IQUB: variants seen among roughly 807,000 people sequenced by gnomAD.
The protein encoded by IQUB is IQ motif and ubiquitin-like domain-containing protein.
Under a neutral mutation model 86.4 loss-of-function variants are expected in IQUB, and 86 were observed. The ratio of observed to expected loss-of-function variants is 1.00; its 90% CI spans 0.84 to 1.19. IQUB has a LOEUF of 1.19. Ranked by LOEUF, IQUB falls within the 50% of genes most tolerant of loss-of-function variation. The pLI is 0.00. For missense variants in IQUB, 946 were observed against 916.9 expected, an observed-to-expected ratio of 1.03 and a Z score of -0.41; for synonymous variants, 289 against 304.5, an observed-to-expected ratio of 0.95 and a Z score of 0.53.
chr7:123,522,661 C>G (rs1796960317), intron 1 of IQUB, among the ~76,000 whole-genome samples: 1 of 151,970 alleles, frequency 6.6e-6, no homozygotes, highest in South Asian at 2.1e-4. Flanking sequence ...ATAATGACTC[C>G]TAGGTATTAC....
intron 12 of IQUB, among the ~76,000 whole-genome samples, chr7:123,453,286 T>TATATATA (rs1300312483): frequency 1.3e-4 from 15 of 115,462 alleles, no homozygotes; most frequent in East Asian, 1.1e-3. Context: ...ATATATATAT[T>TATATATA]ATTAATGTTA....
chr7:123,475,264 C>T (rs2117048892), intron 8 of IQUB, among the ~76,000 whole-genome samples: 1 of 152,068 alleles, frequency 6.6e-6, no homozygotes, highest in African/African-American at 2.4e-5. Context: ...GTCTCAAATT[C>T]CACCCCAACA....
At chr7:123,490,958 C>A (rs1159037860) in intron 7 of IQUB, among the ~76,000 whole-genome samples, 1 of 146,946 alleles carries the variant, frequency 6.8e-6, no homozygotes, top group Non-Finnish European at 1.5e-5. Flanking sequence ...GAGCAAAACA[C>A]CATCTTGGAA....
chr7:123,529,310 T>C (rs1283561730), intron 1 of IQUB, among the ~76,000 whole-genome samples: 1 of 152,010 alleles, frequency 6.6e-6, no homozygotes, highest in Non-Finnish European at 1.5e-5. Flanking sequence ...ATTTTTAAAC[T>C]TTAATACTAT....
chr7:123,502,794 T>C (rs1261586810), intron 5 of IQUB, 42 bp from the exon 6 acceptor site: 2 of 1,470,930 alleles, frequency 1.4e-6, no homozygotes, highest in African/African-American at 1.4e-5. Flanking sequence ...ATCCCCTATA[T>C]ATATACATAA....
chr7:123,520,497 T>C (rs1796853101), intron 1 of IQUB, among the ~76,000 whole-genome samples: 1 of 152,158 alleles, frequency 6.6e-6, no homozygotes, highest in Non-Finnish European at 1.5e-5. Flanking sequence ...AATGCCTCTC[T>C]GGTTGAAATG....
At chr7:123,505,182 C>G (rs1266522918) in intron 3 of IQUB, among the ~76,000 whole-genome samples, 1 of 152,166 alleles carries the variant, frequency 6.6e-6, no homozygotes, top group Non-Finnish European at 1.5e-5. Flanking sequence ...GAAGCTCTAC[C>G]CCTGTGGCTC....
At chr7:123,527,981 G>C (rs1405729846) in intron 1 of IQUB, among the ~76,000 whole-genome samples, 1 of 152,346 alleles carries the variant, frequency 6.6e-6, no homozygotes, top group Non-Finnish European at 1.5e-5. Flanking sequence ...CGTGGGCGTA[G>C]GACCCTCCGA....
At chr7:123,493,355 C>T (rs1008200144) in intron 7 of IQUB, among the ~76,000 whole-genome samples, 1 of 152,130 alleles carries the variant, frequency 6.6e-6, no homozygotes, top group Non-Finnish European at 1.5e-5. Context: ...CCTAGCCCTT[C>T]TTATATGTTT....
intron 7 of IQUB, among the ~76,000 whole-genome samples, chr7:123,487,739 G>A (rs192452242): frequency 2.6e-5 from 4 of 152,232 alleles, no homozygotes; most frequent in East Asian, 3.9e-4. Flanking sequence ...CAAACTTGCC[G>A]AACTTCAGTA....
intron 6 of IQUB, chr7:123,500,958 T>A (rs1453074283): frequency 6.6e-6 from 1 of 152,222 alleles, no homozygotes; most frequent in Non-Finnish European, 1.5e-5. Context: ...TTACTTAATA[T>A]CCATTTTGCC....
At chr7:123,511,802 A>G in intron 2 of IQUB, 142 bp downstream of exon 2, 1 of 581,980 alleles carries the variant, frequency 1.7e-6, no homozygotes, top group Non-Finnish European at 2.9e-6. Context: ...CAAGCTATGT[A>G]ACTCTGGAAG....
chr7:123,534,175 G>T (rs113537960), intron 1 of IQUB, among the ~76,000 whole-genome samples: 3 of 152,142 alleles, frequency 2.0e-5, no homozygotes, highest in Non-Finnish European at 4.4e-5. Flanking sequence ...CCAGGTGTGG[G>T]TTATACACAC....
At chr7:123,521,430 C>T (rs1341673626) in intron 1 of IQUB, among the ~76,000 whole-genome samples, 1 of 152,020 alleles carries the variant, frequency 6.6e-6, no homozygotes, top group Admixed American at 6.6e-5. Flanking sequence ...ATCTCTCGAG[C>T]CTAGGAATTC....
chr7:123,524,073 T>G (rs886326496), intron 1 of IQUB, among the ~76,000 whole-genome samples: 3 of 146,574 alleles, frequency 2.0e-5, no homozygotes, highest in Non-Finnish European at 4.5e-5. Flanking sequence ...ATCTCTGTTT[T>G]GGTACCAGTA....
intron 1 of IQUB, among the ~76,000 whole-genome samples, chr7:123,519,585 G>A (rs1236362015): frequency 6.6e-6 from 1 of 152,146 alleles, no homozygotes; most frequent in Non-Finnish European, 1.5e-5. Context: ...TCAAAAGTAG[G>A]AGCTTAAAAA....
At chr7:123,520,058 C>T (rs949727014) in intron 1 of IQUB, among the ~76,000 whole-genome samples, 1 of 141,426 alleles carries the variant, frequency 7.1e-6, no homozygotes, top group Non-Finnish European at 1.5e-5. Flanking sequence ...TGTTTCTACA[C>T]ACAGCCATGG....
chr7:123,469,441 T>C, intron 8 of IQUB, 57 bp from the exon 9 acceptor site: 1 of 1,018,032 alleles, frequency 9.8e-7, no homozygotes, highest in Non-Finnish European at 1.4e-6. Context: ...CGTATAACAA[T>C]TTTGCTCCTT....
chr7:123,528,177 C>T (rs968827983), intron 1 of IQUB, among the ~76,000 whole-genome samples: 64 of 152,246 alleles, frequency 4.2e-4, no homozygotes, highest in Non-Finnish European at 4.7e-4. Context: ...CTTCGGCTCG[C>T]GCACGGTGCA....
Sources: allele counts gnomAD v4.1 joint callset (sites outside exome capture counted in the v4.1 genomes callset), GRCh38; gene constraint gnomAD v4.1.1; transcripts MANE v1.5; gene names NCBI Gene and HGNC (gene_info 2026-07-23, HGNC 2026-07-21).